Variants in DERL1 observed in about 807,000 individuals in gnomAD.
DERL1 encodes the protein derlin-1.
In DERL1, 24 loss-of-function variants were observed where a neutral mutation model predicts 41.6. The ratio of observed to expected loss-of-function variants is 0.58; its 90% CI spans 0.42 to 0.81. The LOEUF (loss-of-function observed/expected upper bound fraction) is 0.81. Ranked by LOEUF, DERL1 falls within the 30% of genes least tolerant of loss-of-function variation. The pLI is 0.00. For synonymous variants in DERL1, 124 were observed against 112.5 expected, an observed-to-expected ratio of 1.10 and a Z score of -0.65; for missense variants, 260 against 314.3, an observed-to-expected ratio of 0.83 and a Z score of 1.31.
intron 2 of DERL1, among the ~76,000 whole-genome samples, chr8:123,026,637 C>T (rs1277511398): frequency 6.6e-6 from 1 of 152,178 alleles, no homozygotes; most frequent in Non-Finnish European, 1.5e-5. Context: ...ACTCAAAGAG[C>T]TCTGCAACTT....
chr8:123,021,550 C>T, intron 5 of DERL1, 51 bp from the exon 6 acceptor site: 1 of 1,526,512 alleles, frequency 6.6e-7, no homozygotes, highest in Non-Finnish European at 9.1e-7. Flanking sequence ...CTGACGAGGA[C>T]ACAGCTACTA....
At position 123,023,147 on chromosome 8, in the gene DERL1, A is replaced by C. The variant is rs145441862; in HGVS notation, c.358-368T>G. ...TCACATGCCTAGAAAATACTAGACAACCATTATTGTCAATGTTCAAACACC... is the reference window on the plus strand; with the variant it reads ...TCACATGCCTAGAAAATACTAGACACCCATTATTGTCAATGTTCAAACACC... On this transcript the variant is annotated intron_variant, in intron 4 of 7. Coordinates refer to ENST00000259512, the MANE Select transcript of DERL1 (RefSeq NM_024295.6). Among the ~76,000 whole-genome samples, 234 of 152,326 alleles carry C rather than the reference A, an allele frequency of 1.5e-3. 1 individual carries two copies. Among genetic ancestry groups the C allele is most frequent in the African/African-American group, 5.1e-3 (213 of 41,580 alleles).
chr8:123,020,042 T>A (rs1479613297), intron 6 of DERL1, among the ~76,000 whole-genome samples: 5 of 152,240 alleles, frequency 3.3e-5, no homozygotes, highest in African/African-American at 1.2e-4. Flanking sequence ...CATGCTTTGC[T>A]CTAAACAGTC....
chr8:123,020,255 G>C (rs940873385), intron 6 of DERL1, among the ~76,000 whole-genome samples: 2 of 151,576 alleles, frequency 1.3e-5, no homozygotes, highest in Non-Finnish European at 2.9e-5. Context: ...CAAGGTGAGC[G>C]GATCATTTGA....
At chr8:123,025,097 A>C in intron 2 of DERL1, 47 bp from the exon 3 acceptor site, 2 of 1,592,684 alleles carry the variant, frequency 1.3e-6, no homozygotes. Context: ...ATTTCACAAC[A>C]AAGTAACATC....
chr8:123,019,566 T>A (rs1332389971), intron 6 of DERL1, among the ~76,000 whole-genome samples: 1 of 152,178 alleles, frequency 6.6e-6, no homozygotes, highest in African/African-American at 2.4e-5. Flanking sequence ...CACCAGCCCA[T>A]CCTCAAAATA....
intron 1 of DERL1, among the ~76,000 whole-genome samples, chr8:123,031,103 T>A (rs917051050): frequency 6.6e-6 from 1 of 152,342 alleles, no homozygotes; most frequent in South Asian, 2.1e-4. Context: ...TATTCTGGAA[T>A]GACAAACCTT....
intron 3 of DERL1, among the ~76,000 whole-genome samples, chr8:123,024,567 AT>A (rs1812639360): frequency 6.6e-6 from 1 of 152,210 alleles, no homozygotes; most frequent in Non-Finnish European, 1.5e-5. Context: ...CTGAATTACT[AT>A]GTAGGACCCC....
chr8:123,042,239 G>C lies in DERL1; in HGVS notation c.-117C>G. ...TCTAGGTGGAAGCCGCCGAAGCCGCGATGCAGAAGGCGGAGACGGGCGGAC... is the reference window on the plus strand; with the variant it reads ...TCTAGGTGGAAGCCGCCGAAGCCGCCATGCAGAAGGCGGAGACGGGCGGAC... On this transcript the variant is annotated 5_prime_UTR_variant, in exon 1 of 8. In the 5' UTR this introduces an upstream ATG that the reference lacks. Coordinates refer to ENST00000259512, the MANE Select transcript of DERL1 (RefSeq NM_024295.6). 1 of 1,321,012 alleles carries C rather than the reference G, an allele frequency of 7.6e-7. No individual in the cohort carries two copies. Among genetic ancestry groups the C allele is most frequent in the Non-Finnish European group, 9.9e-7 (1 of 1,009,354 alleles). The allele number at this position is 1,321,012 out of a possible 1,614,324, so 81.8% of individuals were successfully genotyped here.
rs1779282371 is a variant in DERL1 at position 123,042,287 on chromosome 8, A to G, written c.-165T>C. ...GACGTGGCGCCACCGAATTCGGACC[A>G]GCGAGGCAGCCTTCTGAGGCGAAAC... On this transcript the variant is annotated 5_prime_UTR_variant, in exon 1 of 8. Transcript: ENST00000259512. The G allele has an allele frequency of 7.5e-6, 7 of 939,440 alleles. No homozygotes were observed. Among genetic ancestry groups the G allele is most frequent in the African/African-American group, 3.4e-5 (2 of 58,840 alleles). 58.2% of individuals were successfully genotyped at this position (939,440 alleles called of 1,614,324 possible).
At chr8:123,028,008 G>A (rs1422771415) in intron 2 of DERL1, among the ~76,000 whole-genome samples, 4 of 148,560 alleles carry the variant, frequency 2.7e-5, no homozygotes, top group Non-Finnish European at 5.9e-5. Context: ...GTTGCAGTGA[G>A]CTGAGATCAC....
intron 1 of DERL1, among the ~76,000 whole-genome samples, 171 bp downstream of exon 1, chr8:123,041,799 C>G (rs759601717): frequency 7.2e-5 from 11 of 152,240 alleles, no homozygotes; most frequent in Non-Finnish European, 1.3e-4. Flanking sequence ...GCACCCCGCT[C>G]CAGATCCCAG....
intron 1 of DERL1, among the ~76,000 whole-genome samples, chr8:123,032,948 C>CA (rs1239400247): frequency 5.5e-5 from 8 of 144,332 alleles, no homozygotes; most frequent in Admixed American, 4.2e-4. Flanking sequence ...ACTGTAACCT[C>CA]AAATTTCTGG....
Position 123,030,712 on chromosome 8 carries a change from C to T in DERL1, c.158G>A (p.Trp53Ter). The T allele has an allele frequency of 6.2e-7, 1 of 1,602,126 alleles. No individual in the cohort carries two copies. The highest frequency in any genetic ancestry group is 1.7e-5 in the Admixed American group (1 of 59,558). The change falls in exon 2 of 8, where the codon TGG (tryptophan) becomes TAG (stop). Residue 53 changes from tryptophan to a stop codon, truncating the protein, a stop_gained. Coordinates refer to ENST00000259512, the MANE Select transcript of DERL1 (RefSeq NM_024295.6). LOFTEE classifies it high-confidence loss of function. The part of the protein sequence containing the change: ...PEAFLYRFQI[W>*]RPITATFYFP... The stretch of plus-strand genomic sequence containing the variant: ...ATAAAAGGTGGCAGTGATTGGCCTC[C>T]AAATCTGTCCAGATCAAAATAAACA...
At chr8:123,034,927 T>C (rs140167445) in intron 1 of DERL1, among the ~76,000 whole-genome samples, 6 of 152,324 alleles carry the variant, frequency 3.9e-5, no homozygotes, top group South Asian at 4.1e-4. Context: ...TTGTAAAAGG[T>C]TGGAATTAAG....
At chr8:123,018,908 AGTTG>A (rs1478530731) in intron 7 of DERL1, 16 of 403,880 alleles carry the variant, frequency 4.0e-5, no homozygotes, top group Non-Finnish European at 1.8e-5. Context: ...CGCACTCTGG[AGTTG>A]CATCAGGTCC....
At chr8:123,025,637 AAAAG>A (rs1268266059) in intron 2 of DERL1, 1 of 152,272 alleles carries the variant, frequency 6.6e-6, no homozygotes, top group Non-Finnish European at 1.5e-5. Context: ...TAGATACTGA[AAAAG>A]AAAGTCTCTG....
chr8:123,019,246 C>G lies in DERL1; in HGVS notation c.566G>C (p.Arg189Thr). Reference protein sequence around the residue: ...VGHLYFFLMFRYPMDLGGRNF... With the variant: ...VGHLYFFLMFTYPMDLGGRNF... ...TCTTCCTCCCAAGTCCATTGGGTAT[C>G]TGAACATTAGGAAAAAATAAAGATG... is the stretch of plus-strand genomic sequence containing the variant. Residue 189 changes from arginine (R) to threonine (T), a missense_variant, in exon 7 of 8, where the codon AGA becomes ACA. Coordinates refer to ENST00000259512, the MANE Select transcript of DERL1 (RefSeq NM_024295.6). The G allele has an allele frequency of 6.2e-7, 1 of 1,614,052 alleles. No individual in the cohort carries two copies. Among genetic ancestry groups the G allele is most frequent in the Non-Finnish European group, 8.5e-7 (1 of 1,179,968 alleles).
In DERL1 at chr8:123,015,552, T is replaced by C. The variant is rs772813403; in HGVS notation, c.651A>G (p.Val217=). 1.2e-6 allele frequency: 2 copies of C among 1,612,116 alleles called. No homozygotes were observed. Among genetic ancestry groups the C allele is most frequent in the South Asian group, 2.2e-5 (2 of 90,392 alleles). Residue 217 remains valine, a synonymous_variant, in exon 8 of 8, where the codon GTA becomes GTG. Transcript: ENST00000259512. The part of the protein sequence containing the change: ...YRWLPSRRGG[V]SGFGVPPASM... ...TAGCAGGGGGCACACCAAATCCTGA[T>C]ACTCCTCCTCTCCTACTGGGCAGCC...
Sources: allele counts gnomAD v4.1 joint callset (sites outside exome capture counted in the v4.1 genomes callset), GRCh38; gene constraint gnomAD v4.1.1; transcripts MANE v1.5; gene names NCBI Gene and HGNC (gene_info 2026-07-23, HGNC 2026-07-21).